Variants in STT3B observed in about 807,000 individuals in gnomAD.
The protein encoded by STT3B is STT3 oligosaccharyltransferase complex catalytic subunit B.
A neutral mutation model predicts 96.8 loss-of-function variants in STT3B; 29 were observed. That is an observed-to-expected ratio of 0.30 (90% CI 0.22 to 0.41). The LOEUF (loss-of-function observed/expected upper bound fraction) is 0.41. STT3B is among the 10% of genes least tolerant of loss of function. The probability of loss-of-function intolerance (pLI) is 1.00; values close to 1 mark genes in which losing one functional copy is unlikely to be tolerated. For missense variants in STT3B, 640 were observed against 1,022.3 expected, an observed-to-expected ratio of 0.63 and a Z score of 5.10; for synonymous variants, 367 against 360.0, an observed-to-expected ratio of 1.02 and a Z score of -0.22.
chr3:31,545,339 T>C lies in STT3B; in HGVS notation c.314+12027T>C, dbSNP rs1340157924. 2.6e-5 allele frequency among the ~76,000 whole-genome samples: 4 copies of C among 152,358 alleles called. No individual in the cohort carries two copies. In the Middle Eastern group the frequency reaches 0.01, roughly 389 times the overall value. ...CAATGAAGTGTCAAATAGAAACAGC[T>C]GTTATATGAAAGGTTTTCCTTTTGG... On this transcript the variant is annotated intron_variant, in intron 1 of 15. Coordinates refer to ENST00000295770, the MANE Select transcript of STT3B (RefSeq NM_178862.3).
intron 1 of STT3B, among the ~76,000 whole-genome samples, chr3:31,559,146 G>T (rs1413640056): frequency 8.6e-6 from 1 of 116,532 alleles, no homozygotes; most frequent in Non-Finnish European, 1.8e-5. Context: ...TGATTCTTGG[G>T]GTGTGTGTGT....
At chr3:31,556,103 A>G (rs555155068) in intron 1 of STT3B, among the ~76,000 whole-genome samples, 1 of 151,904 alleles carries the variant, frequency 6.6e-6, no homozygotes, top group South Asian at 2.1e-4. Context: ...TACCTCACTG[A>G]GATCAACTTT....
chr3:31,549,161 A>G (rs1013382249), intron 1 of STT3B, among the ~76,000 whole-genome samples: 3 of 152,172 alleles, frequency 2.0e-5, no homozygotes, highest in Non-Finnish European at 4.4e-5. Flanking sequence ...CGTAGAGATA[A>G]TAAAACTAGG....
chr3:31,580,939 GAAAAA>G (rs200979073), intron 3 of STT3B, among the ~76,000 whole-genome samples: 1 of 131,328 alleles, frequency 7.6e-6, no homozygotes, highest in African/African-American at 2.8e-5. Flanking sequence ...CAGCTGAGGA[GAAAAA>G]AAAAAAAACA....
At chr3:31,582,480 A>G (rs576411713) in intron 3 of STT3B, among the ~76,000 whole-genome samples, 236 of 151,640 alleles carry the variant, frequency 1.6e-3, no homozygotes, top group Non-Finnish European at 2.8e-3. Context: ...TTTTTAGTAG[A>G]GATGGATTTT....
chr3:31,623,028 G>A (rs1699462592), intron 10 of STT3B, among the ~76,000 whole-genome samples: 1 of 152,104 alleles, frequency 6.6e-6, no homozygotes, highest in Non-Finnish European at 1.5e-5. Context: ...AAAGATGTGT[G>A]TTAATAAACC....
intron 5 of STT3B, among the ~76,000 whole-genome samples, chr3:31,612,060 T>C (rs1575440656): frequency 6.6e-6 from 1 of 152,186 alleles, no homozygotes; most frequent in African/African-American, 2.4e-5. Context: ...ATTTGAAAAT[T>C]CAAAACTTTC....
intron 1 of STT3B, among the ~76,000 whole-genome samples, chr3:31,572,811 C>T (rs1187720304): frequency 1.3e-5 from 2 of 152,138 alleles, no homozygotes; most frequent in Non-Finnish European, 2.9e-5. Flanking sequence ...CAGCTGTGAT[C>T]GCACCACTGC....
At chr3:31,633,622 T>C (rs200134016) in intron 15 of STT3B, among the ~76,000 whole-genome samples, 1 of 152,130 alleles carries the variant, frequency 6.6e-6, no homozygotes, top group African/African-American at 2.4e-5. Flanking sequence ...AATTATTTTT[T>C]AATGTAATTG....
chr3:31,544,422 C>A (rs1323828336), intron 1 of STT3B, among the ~76,000 whole-genome samples: 1 of 152,082 alleles, frequency 6.6e-6, no homozygotes, highest in Non-Finnish European at 1.5e-5. Flanking sequence ...TTAAATAAAC[C>A]AGATAAAGTC....
intron 1 of STT3B, among the ~76,000 whole-genome samples, chr3:31,548,841 C>T (rs1467205879): frequency 6.6e-6 from 1 of 152,050 alleles, no homozygotes; most frequent in African/African-American, 2.4e-5. Context: ...TTCTGCAGAC[C>T]ACATATTCCA....
At chr3:31,606,934 C>T (rs999274275) in intron 5 of STT3B, among the ~76,000 whole-genome samples, 1 of 152,204 alleles carries the variant, frequency 6.6e-6, no homozygotes, top group African/African-American at 2.4e-5. Flanking sequence ...CCATGGAAAC[C>T]CACCTCTTGT....
At chr3:31,593,225 C>T (rs768128923) in intron 3 of STT3B, among the ~76,000 whole-genome samples, 17 of 152,180 alleles carry the variant, frequency 1.1e-4, no homozygotes, top group Non-Finnish European at 2.1e-4. Flanking sequence ...ATACTTTGCT[C>T]TTTCATTGAA....
intron 15 of STT3B, 178 bp downstream of exon 15, chr3:31,633,325 A>G: frequency 1.6e-6 from 1 of 624,258 alleles, no homozygotes; most frequent in Middle Eastern, 4.4e-4. Context: ...CAAACTGAGC[A>G]CTTCAGATAT....
intron 14 of STT3B, among the ~76,000 whole-genome samples, chr3:31,630,806 T>G (rs1331288450): frequency 2.6e-5 from 4 of 151,820 alleles, no homozygotes; most frequent in Non-Finnish European, 5.9e-5. Context: ...TTTTTTTTGT[T>G]TTTTTTTTGA....
intron 4 of STT3B, among the ~76,000 whole-genome samples, chr3:31,597,651 T>G (rs1229411400): frequency 2.6e-5 from 4 of 151,996 alleles, no homozygotes; most frequent in African/African-American, 9.7e-5. Context: ...TAGAGACAGA[T>G]CCTCACTCTG....
intron 1 of STT3B, among the ~76,000 whole-genome samples, chr3:31,566,410 G>A (rs1040397536): frequency 1.1e-4 from 16 of 152,118 alleles, no homozygotes; most frequent in African/African-American, 3.4e-4. Flanking sequence ...GTGTCCTGCC[G>A]CAAAGGAGTG....
chr3:31,562,840 A>G (rs1325628147), intron 1 of STT3B, among the ~76,000 whole-genome samples: 1 of 152,148 alleles, frequency 6.6e-6, no homozygotes, highest in Admixed American at 6.5e-5. Flanking sequence ...TCAAAATGGC[A>G]CCATGTTGTA....
At chr3:31,599,415 C>T (rs73826803) in intron 4 of STT3B, among the ~76,000 whole-genome samples, 1 of 152,102 alleles carries the variant, frequency 6.6e-6, no homozygotes, top group South Asian at 2.1e-4. Flanking sequence ...TCAGATAGGA[C>T]TGGCGCTCCA....
Sources: gnomAD v4.1 joint callset for allele counts (sites outside exome capture counted in the v4.1 genomes callset) on GRCh38, gnomAD v4.1.1 for gene constraint, MANE v1.5 for transcripts, NCBI Gene and HGNC (gene_info 2026-07-23, HGNC 2026-07-21) for gene names.